Variants in CDH12 observed in about 807,000 individuals in gnomAD.
CDH12 encodes cadherin-12.
CDH12 carries 41 observed loss-of-function variants against 74.1 expected under a neutral mutation model. The observed-to-expected ratio is 0.55, with a 90% CI of 0.43 to 0.72. The LOEUF is 0.72. Among genes scored for constraint, CDH12 ranks in the 30% least tolerant of loss-of-function variants. The probability of loss-of-function intolerance (pLI) is 0.00; values close to 1 mark genes in which losing one functional copy is unlikely to be tolerated. For synonymous variants in CDH12, 399 were observed against 355.0 expected (o/e 1.12, Z -1.39); for missense variants, 945 against 977.2 (o/e 0.97, Z 0.44).
At chr5:22,513,470 C>G (rs1331553351) in intron 1 of CDH12, among the ~76,000 whole-genome samples, 1 of 152,134 alleles carries the variant, frequency 6.6e-6, no homozygotes, top group Admixed American at 6.5e-5. Context: ...ATGAAATGAG[C>G]ATCATACTCA....
intron 10 of CDH12, among the ~76,000 whole-genome samples, chr5:21,799,034 T>A (rs1213232080): frequency 1.3e-5 from 2 of 152,146 alleles, no homozygotes; most frequent in Non-Finnish European, 2.9e-5. Context: ...AAGAGAACTG[T>A]AGAGAAAGAT....
intron 5 of CDH12, among the ~76,000 whole-genome samples, chr5:21,978,663 T>A (rs1297362796): frequency 6.6e-6 from 1 of 152,200 alleles, no homozygotes; most frequent in Non-Finnish European, 1.5e-5. Flanking sequence ...ATTACTTTTT[T>A]AAATTTCTGC....
chr5:22,209,292 T>A (rs1751398729), intron 4 of CDH12, among the ~76,000 whole-genome samples: 1 of 152,204 alleles, frequency 6.6e-6, no homozygotes, highest in Admixed American at 6.5e-5. Flanking sequence ...ACACTAAACC[T>A]CTGTGGACAT....
chr5:21,799,251 T>G (rs1746976692), intron 10 of CDH12, among the ~76,000 whole-genome samples: 1 of 152,098 alleles, frequency 6.6e-6, no homozygotes, highest in Admixed American at 6.6e-5. Context: ...AGTGATGAAA[T>G]TATTAGATAT....
intron 3 of CDH12, among the ~76,000 whole-genome samples, chr5:22,364,822 G>T (rs1740962321): frequency 1.3e-5 from 2 of 152,102 alleles, no homozygotes; most frequent in Admixed American, 1.3e-4. Context: ...GACAGAATTT[G>T]AACATGTTTA....
chr5:22,396,035 AT>A (rs1293288612), intron 3 of CDH12, among the ~76,000 whole-genome samples: 1 of 148,922 alleles, frequency 6.7e-6, no homozygotes, highest in Non-Finnish European at 1.5e-5. Context: ...ACAGAAGTTG[AT>A]TCATGATGAT....
chr5:22,203,251 TC>T (rs952753130), intron 4 of CDH12, among the ~76,000 whole-genome samples: 2 of 150,928 alleles, frequency 1.3e-5, no homozygotes, highest in African/African-American at 4.8e-5. Context: ...TCTTTTTCCC[TC>T]CCCCCGCCAC....
intron 1 of CDH12, among the ~76,000 whole-genome samples, chr5:22,749,486 A>G (rs1346734443): frequency 6.6e-6 from 1 of 152,206 alleles, no homozygotes; most frequent in Non-Finnish European, 1.5e-5. Context: ...TTTAAATGCT[A>G]CAAGAACGGG....
intron 3 of CDH12, among the ~76,000 whole-genome samples, chr5:22,310,378 C>T (rs1738333172): frequency 1.3e-5 from 2 of 151,256 alleles, no homozygotes; most frequent in Non-Finnish European, 1.5e-5. Flanking sequence ...AGGAGAATCG[C>T]TGGAACCCAG....
intron 6 of CDH12, among the ~76,000 whole-genome samples, chr5:21,872,921 C>CTATCTATCTATCTATCTATCT (rs1554039681): frequency 2.0e-5 from 3 of 149,602 alleles, no homozygotes; most frequent in South Asian, 2.1e-4. Context: ...ATCTATCTAT[C>CTATCTATCTATCTATCTATCT]ATCTTCCTAT....
intron 3 of CDH12, among the ~76,000 whole-genome samples, chr5:22,332,846 G>C (rs1250576137): frequency 6.6e-6 from 1 of 152,130 alleles, no homozygotes; most frequent in African/African-American, 2.4e-5. Context: ...GGAGAAATAG[G>C]AACGCTTTTA....
rs370615782 is a variant in CDH12, at chr5:22,142,606, A to G, written c.-186-63744T>C. On this transcript the variant is annotated intron_variant, in intron 4 of 14. Coordinates refer to ENST00000382254, the MANE Select transcript of CDH12 (RefSeq NM_004061.5). Reference sequence around the variant, plus strand: ...ACAGTGAGTAGTTTTTCAAAATTCAATTCTTACATCCTACCATTAAACAGA... The same window carrying G: ...ACAGTGAGTAGTTTTTCAAAATTCAGTTCTTACATCCTACCATTAAACAGA... 4.4e-4 allele frequency: 234 copies of G among 526,774 alleles called. No homozygotes were observed. The East Asian group carries it at 9.7e-3, about 22-fold the overall frequency. 32.6% of individuals were successfully genotyped at this position (526,774 alleles called of 1,614,324 possible). A position where few individuals can be genotyped will look rare whatever the true frequency, so the allele number is the denominator to read the frequency against.
intron 4 of CDH12, among the ~76,000 whole-genome samples, chr5:22,189,702 A>G (rs567027785): frequency 1.1e-4 from 17 of 152,350 alleles, no homozygotes; most frequent in Non-Finnish European, 2.2e-4. Context: ...TTATAGCATT[A>G]TCCACTAGTG....
chr5:22,725,888 C>T (rs528597351), intron 1 of CDH12, among the ~76,000 whole-genome samples: 9 of 151,676 alleles, frequency 5.9e-5, no homozygotes, highest in South Asian at 4.2e-4. Flanking sequence ...ACTTACACTC[C>T]GACATGATCT....
At chr5:22,130,795 C>A (rs1424027592) in intron 4 of CDH12, among the ~76,000 whole-genome samples, 1 of 151,576 alleles carries the variant, frequency 6.6e-6, no homozygotes, top group Non-Finnish European at 1.5e-5. Context: ...ATTGTATATC[C>A]CCTGCACATT....
chr5:22,566,535 G>C (rs11957088), intron 1 of CDH12, among the ~76,000 whole-genome samples: 5,716 of 152,144 alleles, frequency 0.038, 360 homozygotes, highest in African/African-American at 0.12. Context: ...ACCGCGCCCA[G>C]CTACTATGTG....
At chr5:22,710,858 T>C (rs1005119284) in intron 1 of CDH12, among the ~76,000 whole-genome samples, 2 of 152,030 alleles carry the variant, frequency 1.3e-5, no homozygotes, top group Non-Finnish European at 2.9e-5. Context: ...CAAAAATAGA[T>C]TCGTGATGAC....
intron 1 of CDH12, among the ~76,000 whole-genome samples, chr5:22,804,097 G>A (rs929858630): frequency 7.2e-5 from 11 of 151,990 alleles, no homozygotes; most frequent in Non-Finnish European, 1.3e-4. Flanking sequence ...AAGGTATTTT[G>A]TTATAATTTT....
chr5:22,266,099 G>T (rs1736090880), intron 3 of CDH12, among the ~76,000 whole-genome samples: 1 of 150,160 alleles, frequency 6.7e-6, no homozygotes. Flanking sequence ...TTCTGAAGCA[G>T]AGTTTCGCTC....
Sources: gnomAD v4.1 joint callset for allele counts (sites outside exome capture counted in the v4.1 genomes callset) on GRCh38, gnomAD v4.1.1 for gene constraint, MANE v1.5 for transcripts, NCBI Gene and HGNC (gene_info 2026-07-23, HGNC 2026-07-21) for gene names.